The following ATP2B2 variants were observed in gnomAD, a reference collection of about 807,000 sequenced individuals.
The protein encoded by ATP2B2 is ATPase plasma membrane Ca2+ transporting 2.
A neutral mutation model predicts 120.0 loss-of-function variants in ATP2B2; 15 were observed. The observed-to-expected ratio is 0.12, with a 90% CI of 0.08 to 0.19. The LOEUF (loss-of-function observed/expected upper bound fraction) is 0.19. Among genes scored for constraint, ATP2B2 ranks in the 10% least tolerant of loss-of-function variants. ATP2B2 has a pLI of 1.00. For synonymous variants in ATP2B2, 694 were observed against 700.3 expected (o/e 0.99, Z 0.14); for missense variants, 1,045 against 1,719.8 (o/e 0.61, Z 6.94).
intron 1 of ATP2B2, among the ~76,000 whole-genome samples, chr3:10,687,894 G>A (rs745549464): frequency 5.9e-5 from 9 of 152,000 alleles, no homozygotes; most frequent in Non-Finnish European, 8.8e-5. Context: ...CCATTGGGCC[G>A]CAAGACATCT....
chr3:10,631,259 C>T (rs1480632502), intron 1 of ATP2B2, among the ~76,000 whole-genome samples: 1 of 152,222 alleles, frequency 6.6e-6, no homozygotes. Flanking sequence ...GAAGAAAAAA[C>T]ATTTGCAGAA....
At chr3:10,643,401 A>G (rs989434337) in intron 1 of ATP2B2, among the ~76,000 whole-genome samples, 2 of 152,240 alleles carry the variant, frequency 1.3e-5, no homozygotes, top group African/African-American at 4.8e-5. Flanking sequence ...ATGAAGGCCA[A>G]GCCTAGGGGA....
chr3:10,587,263 C>A (rs1167835178), intron 2 of ATP2B2, among the ~76,000 whole-genome samples: 1 of 152,092 alleles, frequency 6.6e-6, no homozygotes, highest in East Asian at 1.9e-4. Context: ...CGTGATCATA[C>A]CCCTGCACTC....
At chr3:10,496,391 A>C (rs1235436093) in intron 1 of ATP2B2, among the ~76,000 whole-genome samples, 1 of 152,186 alleles carries the variant, frequency 6.6e-6, no homozygotes, top group Non-Finnish European at 1.5e-5. Flanking sequence ...GGGCAATTGC[A>C]CACAGCATCC....
At chr3:10,350,039 T>C in intron 16 of ATP2B2, 73 bp downstream of exon 16, 1 of 1,471,532 alleles carries the variant, frequency 6.8e-7, no homozygotes, top group Non-Finnish European at 9.4e-7. Flanking sequence ...AAGCTGCAAG[T>C]GCCAGGAGAG....
intron 2 of ATP2B2, among the ~76,000 whole-genome samples, chr3:10,557,681 G>A (rs2067811501): frequency 6.6e-6 from 1 of 152,212 alleles, no homozygotes; most frequent in Non-Finnish European, 1.5e-5. Flanking sequence ...AGTGACTGGA[G>A]TGGGGCCTGT....
At chr3:10,370,079 C>A (rs1368029427) in intron 12 of ATP2B2, among the ~76,000 whole-genome samples, 1 of 152,196 alleles carries the variant, frequency 6.6e-6, no homozygotes, top group Non-Finnish European at 1.5e-5. Flanking sequence ...GACCCCTGTC[C>A]TTTATGCCAC....
intron 1 of ATP2B2, among the ~76,000 whole-genome samples, chr3:10,462,184 T>C (rs1283569534): frequency 1.3e-5 from 2 of 152,232 alleles, no homozygotes; most frequent in Non-Finnish European, 2.9e-5. Context: ...ACCGACCTTC[T>C]TGTGGTTGCC....
chr3:10,404,069 T>C (rs2062326157), intron 3 of ATP2B2, among the ~76,000 whole-genome samples: 1 of 152,188 alleles, frequency 6.6e-6, no homozygotes, highest in Non-Finnish European at 1.5e-5. Flanking sequence ...TTTATGGGCA[T>C]TGGGCTCCTG....
Position 10,449,393 on chromosome 3 carries a change from C to A in ATP2B2, c.151G>T (p.Gly51Trp), listed in dbSNP as rs1247238992. 1.2e-6 allele frequency: 2 copies of A among 1,614,254 alleles called. No homozygotes were observed. The highest frequency in any genetic ancestry group is 2.2e-5 in the South Asian group (2 of 91,088). The change falls in exon 2 of 23, where the codon GGG becomes TGG. Residue 51 changes from glycine to tryptophan, a missense_variant. Physicochemically the swap from Gly to Trp is radical, Grantham distance 184. This residue lies in a region of ATP2B2 where 139 missense variants were observed against 134.2 expected (regional missense o/e 1.04). Transcript: ENST00000360273. ...CGCCGGCAGATGGCTTCGGTGTCCC[C>A]ATAAGTCTCCTTGATCTTGACCACA... is the stretch of plus-strand genomic sequence containing the variant. ...EAVVKIKETYGDTEAICRRLK... is the reference protein window; with the variant it reads ...EAVVKIKETYWDTEAICRRLK...
intron 1 of ATP2B2, among the ~76,000 whole-genome samples, chr3:10,472,006 G>A (rs1402269835): frequency 4.7e-5 from 7 of 149,674 alleles, no homozygotes; most frequent in South Asian, 2.1e-4. Context: ...GCGTGAACCC[G>A]GGAGGCGGAA....
chr3:10,687,102 A>G (rs2071541751), intron 1 of ATP2B2, among the ~76,000 whole-genome samples: 1 of 152,244 alleles, frequency 6.6e-6, no homozygotes, highest in African/African-American at 2.4e-5. Context: ...GAAAAGTTGC[A>G]ACTACATGGA....
chr3:10,695,944 C>T (rs186077425), intron 1 of ATP2B2, among the ~76,000 whole-genome samples: 1 of 152,310 alleles, frequency 6.6e-6, no homozygotes, highest in Non-Finnish European at 1.5e-5. Flanking sequence ...TCTCAGATGT[C>T]TTGGTTGCAA....
At chr3:10,393,108 G>A (rs539071342) in intron 5 of ATP2B2, among the ~76,000 whole-genome samples, 87 of 152,308 alleles carry the variant, frequency 5.7e-4, no homozygotes, top group African/African-American at 2.0e-3. Flanking sequence ...CCCTCCAGGA[G>A]CTCACAGTCT....
intron 7 of ATP2B2, among the ~76,000 whole-genome samples, chr3:10,386,097 G>A (rs1043580592): frequency 6.6e-6 from 1 of 152,212 alleles, no homozygotes; most frequent in African/African-American, 2.4e-5. Context: ...GCCCCACTGG[G>A]TGAAGCACAC....
intron 1 of ATP2B2, among the ~76,000 whole-genome samples, chr3:10,462,663 T>A (rs1368946266): frequency 6.6e-6 from 1 of 152,234 alleles, no homozygotes; most frequent in African/African-American, 2.4e-5. Flanking sequence ...ACACAGCTAA[T>A]GAGGAGTGGC....
At chr3:10,413,269 C>T (rs749954856) in intron 2 of ATP2B2, among the ~76,000 whole-genome samples, 6 of 152,182 alleles carry the variant, frequency 3.9e-5, no homozygotes, top group East Asian at 1.9e-4. Flanking sequence ...GTTCTAGATG[C>T]GGAGTCTCCT....
chr3:10,609,815 G>A lies in ATP2B2; in HGVS notation c.-415+10102C>T, dbSNP rs185857757. Among the ~76,000 whole-genome samples the A allele has an allele frequency of 1.6e-3, 240 of 152,274 alleles. 1 individual carries two copies. Among genetic ancestry groups the A allele is most frequent in the Non-Finnish European group, 2.9e-3 (197 of 68,018 alleles). ...TGTCATCCTAAGGGGCTGGGGCACTGCAGTGTCTCTGATCAATTCACGGGG... is the reference window on the plus strand; with the variant it reads ...TGTCATCCTAAGGGGCTGGGGCACTACAGTGTCTCTGATCAATTCACGGGG... On this transcript the variant is annotated intron_variant, in intron 2 of 21. Transcript: ENST00000646379.
intron 2 of ATP2B2, among the ~76,000 whole-genome samples, chr3:10,437,112 A>G (rs963600942): frequency 6.6e-6 from 1 of 152,188 alleles, no homozygotes; most frequent in African/African-American, 2.4e-5. Context: ...AGTGTCACAT[A>G]GAGACGTGGT....
Sources: allele counts gnomAD v4.1 joint callset (sites outside exome capture counted in the v4.1 genomes callset), GRCh38; gene constraint gnomAD v4.1.1; regional missense constraint gnomAD v4.1.1; transcripts MANE v1.5; gene names NCBI Gene and HGNC (gene_info 2026-07-23, HGNC 2026-07-21).